The following PNMA3 variants were observed in gnomAD, a reference collection of about 807,000 sequenced individuals.
The protein encoded by PNMA3 is PNMA family member 3.
In PNMA3, 10 loss-of-function variants were observed where a neutral mutation model predicts 25.1. The ratio of observed to expected loss-of-function variants is 0.40; its 90% CI spans 0.25 to 0.68. The LOEUF (loss-of-function observed/expected upper bound fraction) is 0.68, where lower values mean the gene tolerates loss of function less well. PNMA3 is among the 30% of genes least tolerant of loss of function. The probability of loss-of-function intolerance (pLI) is 0.40; values close to 1 mark genes in which losing one functional copy is unlikely to be tolerated. For synonymous variants in PNMA3, 134 were observed against 148.7 expected (o/e 0.90, Z 0.72); for missense variants, 317 against 372.1 (o/e 0.85, Z 1.22).
Position 153,057,379 on chromosome X carries a change from C to T in PNMA3, c.324C>T (p.Arg108=), listed in dbSNP as rs1556932107. 1 of 1,212,098 alleles carries T rather than the reference C, an allele frequency of 8.3e-7. No individual in the cohort carries two copies. Among genetic ancestry groups the T allele is most frequent in the Non-Finnish European group, 1.1e-6 (1 of 895,577 alleles). The part of the protein sequence containing the change: ...SDGEFLNRLN[R]FLEEERRTVS... Reference sequence around the variant, plus strand: ...GGGAATTTCTCAACAGACTGAACCGCTTCTTAGAGGAGGAGAGGCGGACCG... The same window carrying T: ...GGGAATTTCTCAACAGACTGAACCGTTTCTTAGAGGAGGAGAGGCGGACCG... Residue 108 remains arginine, a synonymous_variant, in exon 2 of 2, where the codon CGC becomes CGT. Transcript: ENST00000593810.
chrX:153,058,079 C>A lies in PNMA3; in HGVS notation c.1024C>A (p.Pro342Thr), dbSNP rs1036811244. ...EEEEWEATLG[P>T]DRESLEGLEV... is the part of the protein sequence containing the mutation. ...GGAGGAATGGGAGGCCACTTTAGGT[C>A]CAGATAGGGAGAGTCTGGAGGGGCT... is the stretch of plus-strand genomic sequence containing the variant. The change falls in exon 2 of 2, where the codon CCA (proline) becomes ACA (threonine). Residue 342 changes from proline (P) to threonine (T), a missense_variant. By Grantham distance (38) the Pro-to-Thr change is conservative. Coordinates refer to ENST00000593810, the MANE Select transcript of PNMA3 (RefSeq NM_013364.6). The A allele has an allele frequency of 8.3e-7, 1 of 1,210,405 alleles. No homozygotes were observed. The highest frequency in any genetic ancestry group is 1.1e-6 in the Non-Finnish European group (1 of 895,245).
chrX:153,056,508 A>C lies in PNMA3; in HGVS notation c.-237A>C, dbSNP rs2051139604. 8.6e-6 allele frequency: 1 copy of C among 116,390 alleles called. No homozygotes were observed. Among genetic ancestry groups the C allele is most frequent in the East Asian group, 2.9e-4 (1 of 3,506 alleles). The allele number at this position is 116,390 out of a possible 1,213,427, so 9.6% of individuals were successfully genotyped here. ...TGCTGCGCGAGCGAGGGAGAGCCAC[A>C]GTCTGAGCGAACGTCCGCGCTGGGA... On this transcript the variant is annotated 5_prime_UTR_variant, in exon 1 of 2. Coordinates refer to ENST00000593810, the MANE Select transcript of PNMA3 (RefSeq NM_013364.6).
In PNMA3 at chrX:153,058,067, G is replaced by A. The variant is rs782395896; in HGVS notation, c.1012G>A (p.Ala338Thr). 1 of 1,212,000 alleles carries A rather than the reference G, an allele frequency of 8.3e-7. No homozygotes were observed. Among genetic ancestry groups the A allele is most frequent in the South Asian group, 1.8e-5 (1 of 56,974 alleles). Residue 338 changes from alanine to threonine, a missense_variant, in exon 2 of 2, where the codon GCC becomes ACC. By Grantham distance (58) the Ala-to-Thr change is moderately conservative (BLOSUM62 0). Transcript: ENST00000593810. ...KLLREEEEWEATLGPDRESLE... is the reference protein window; with the variant it reads ...KLLREEEEWETTLGPDRESLE... ...CCTGCGTGAGGAGGAGGAATGGGAG[G>A]CCACTTTAGGTCCAGATAGGGAGAG...
Position 153,058,439 on chromosome X carries a change from G to A in PNMA3, c.1384G>A (p.Ala462Thr). The A allele has an allele frequency of 8.3e-7, 1 of 1,212,118 alleles. No homozygotes were observed. Among genetic ancestry groups the A allele is most frequent in the Non-Finnish European group, 1.1e-6 (1 of 895,566 alleles). ...GGACAAGAGCCATCCCAAGTCCAAG[G>A]CCAAGTAGGCTCGGGAGAACAGGGC... The part of the protein sequence containing the change: ...AWDKSHPKSK[A>T]K Residue 462 changes from alanine to threonine, a missense_variant, in exon 2 of 2, where the codon GCC becomes ACC. Physicochemically the swap from Ala to Thr is moderately conservative, Grantham distance 58. Coordinates refer to ENST00000593810, the MANE Select transcript of PNMA3 (RefSeq NM_013364.6).
At chrX:153,056,735 A>C (rs1556931934) in intron 1 of PNMA3, 97 bp downstream of exon 1, 3 of 174,693 alleles carry the variant, frequency 1.7e-5, no homozygotes, top group Non-Finnish European at 3.0e-5. Context: ...CCTGCAGGGC[A>C]GGGGTCCAGG....
Position 153,057,635 on chromosome X carries a change from T to C in PNMA3, c.580T>C (p.Trp194Arg). The C allele has an allele frequency of 8.3e-7, 1 of 1,211,264 alleles. No individual in the cohort carries two copies. Among genetic ancestry groups the C allele is most frequent in the Non-Finnish European group, 1.1e-6 (1 of 895,381 alleles). ...GCACACCACTGAGATGCTACAGATG[T>C]GGCAGGTGCCCGAGGGGGAAAAGAG... The part of the protein sequence containing the change: ...LEHTTEMLQM[W>R]QVPEGEKRRR... Residue 194 changes from tryptophan (W) to arginine (R), a missense_variant, in exon 2 of 2, where the codon TGG (tryptophan) becomes CGG (arginine). Physicochemically the swap from Trp to Arg is moderately radical, Grantham distance 101. Coordinates refer to ENST00000593810, the MANE Select transcript of PNMA3 (RefSeq NM_013364.6).
Position 153,057,455 on chromosome X carries a change from A to G in PNMA3, c.400A>G (p.Arg134Gly), listed in dbSNP as rs782590469. The G allele has an allele frequency of 1.7e-6, 2 of 1,211,140 alleles. No individual in the cohort carries two copies. The highest frequency in any genetic ancestry group is 1.8e-5 in the South Asian group (1 of 56,752). ...LGSDTNCSAPRVTISPEFWTW... is the reference protein window; with the variant it reads ...LGSDTNCSAPGVTISPEFWTW... The stretch of plus-strand genomic sequence containing the variant: ...GTCGGACACCAATTGTTCGGCTCCA[A>G]GAGTGACTATATCACCAGAGTTCTG... Residue 134 changes from arginine (R) to glycine (G), a missense_variant, in exon 2 of 2, where the codon AGA (arginine) becomes GGA (glycine). Transcript: ENST00000593810.
At position 153,057,686 on chromosome X, in the gene PNMA3, G is replaced by T. The variant is rs1165172441; in HGVS notation, c.631G>T (p.Gly211Cys). 8.3e-7 allele frequency: 1 copy of T among 1,212,002 alleles called. No individual in the cohort carries two copies. Among genetic ancestry groups the T allele is most frequent in the Non-Finnish European group, 1.1e-6 (1 of 895,552 alleles). The change falls in exon 2 of 2, where the codon GGC becomes TGC. Residue 211 changes from glycine to cysteine, a missense_variant. By Grantham distance (159) the Gly-to-Cys change is radical. Transcript: ENST00000593810. ...GCGGAGGCTGATGGAATGCTTACGG[G>T]GCCCTGCTCTCCAGGTGGTCAGTGG... is the stretch of plus-strand genomic sequence containing the variant. Reference protein sequence around the residue: ...KRRRLMECLRGPALQVVSGLR... With the variant: ...KRRRLMECLRCPALQVVSGLR...
chrX:153,060,239 A>G lies in PNMA3; in HGVS notation c.*1792A>G, dbSNP rs139179449. 0.037 allele frequency: 4,518 copies of G among 121,042 alleles called. 364 individuals are homozygous for G. The highest frequency in any genetic ancestry group is 0.15 in the African/African-American group (4,192 of 27,915). 10.0% of individuals were successfully genotyped at this position (121,042 alleles called of 1,213,427 possible). ...AGAGTCTACCTTCCTGGCAAGAGGC[A>G]GACCCCGGGGCCCTCAGGAAGGAGG... On this transcript the variant is annotated 3_prime_UTR_variant, in exon 2 of 2. Coordinates refer to ENST00000593810, the MANE Select transcript of PNMA3 (RefSeq NM_013364.6).
In PNMA3 at chrX:153,057,486, G is replaced by T. The variant is rs1603345926; in HGVS notation, c.431G>T (p.Trp144Leu). 3 of 1,211,481 alleles carry T rather than the reference G, an allele frequency of 2.5e-6. No individual in the cohort carries two copies. In the East Asian group the frequency reaches 8.9e-5, roughly 36 times the overall value. The stretch of plus-strand genomic sequence containing the variant: ...ACTATATCACCAGAGTTCTGGACCT[G>T]GGCCCAGACTCTGGGGGCAGCAGTG... ...RVTISPEFWT[W>L]AQTLGAAVQP... Residue 144 changes from tryptophan (W) to leucine (L), a missense_variant, in exon 2 of 2, where the codon TGG becomes TTG. Trp to Leu is a moderately conservative substitution (Grantham distance 61, BLOSUM62 -2). Coordinates refer to ENST00000593810, the MANE Select transcript of PNMA3 (RefSeq NM_013364.6).
intron 1 of PNMA3, 98 bp downstream of exon 1, chrX:153,056,736 G>T (rs1309055465): frequency 1.8e-5 from 4 of 218,469 alleles, no homozygotes; most frequent in African/African-American, 1.2e-4. Flanking sequence ...CTGCAGGGCA[G>T]GGGTCCAGGG....
At chrX:153,056,878 G>A (rs1235134649) in intron 1 of PNMA3, 72 bp from the exon 2 acceptor site, 3 of 576,419 alleles carry the variant, frequency 5.2e-6, no homozygotes, top group Non-Finnish European at 7.5e-6. Context: ...GGGTGGGGGT[G>A]GGGGTGGGCG....
intron 1 of PNMA3, 67 bp from the exon 2 acceptor site, chrX:153,056,883 T>C: frequency 2.1e-6 from 1 of 479,459 alleles, no homozygotes; most frequent in Non-Finnish European, 2.8e-6. Flanking sequence ...GGGGTGGGGG[T>C]GGGCGTGGAT....
Position 153,059,606 on chromosome X carries a change from C to T in PNMA3, c.*1159C>T, listed in dbSNP as rs1556932760. On this transcript the variant is annotated 3_prime_UTR_variant, in exon 2 of 2. Transcript: ENST00000593810. ...AGGCTGCCCCCTGTTCCAGGAAGCT[C>T]ATCCTCACCTGTGTAGGCCCCTGTA... is the stretch of plus-strand genomic sequence containing the variant. 8.1e-6 allele frequency: 1 copy of T among 124,065 alleles called. No homozygotes were observed. Among genetic ancestry groups the T allele is most frequent in the Non-Finnish European group, 1.9e-5 (1 of 53,394 alleles). The allele number at this position is 124,065 out of a possible 1,213,427, so 10.2% of individuals were successfully genotyped here.
At position 153,058,438 on chromosome X, in the gene PNMA3, G is replaced by A; in HGVS notation, c.1383G>A (p.Lys461=). Residue 461 remains lysine, a synonymous_variant, in exon 2 of 2, where the codon AAG becomes AAA. Coordinates refer to ENST00000593810, the MANE Select transcript of PNMA3 (RefSeq NM_013364.6). Reference sequence around the variant, plus strand: ...GGGACAAGAGCCATCCCAAGTCCAAGGCCAAGTAGGCTCGGGAGAACAGGG... The same window carrying A: ...GGGACAAGAGCCATCCCAAGTCCAAAGCCAAGTAGGCTCGGGAGAACAGGG... ...WAWDKSHPKS[K]AK 8.3e-7 allele frequency: 1 copy of A among 1,212,114 alleles called. No individual in the cohort carries two copies. Among genetic ancestry groups the A allele is most frequent in the Non-Finnish European group, 1.1e-6 (1 of 895,575 alleles).
chrX:153,058,526 C>T lies in PNMA3; in HGVS notation c.*79C>T. 1 of 1,209,447 alleles carries T rather than the reference C, an allele frequency of 8.3e-7. No homozygotes were observed. Among genetic ancestry groups the T allele is most frequent in the Non-Finnish European group, 1.1e-6 (1 of 894,127 alleles). The stretch of plus-strand genomic sequence containing the variant: ...TATTGGAAGGAGGGGAAAGAGAAGC[C>T]CAGACAAACAGCAGATGAGTTGAGT... On this transcript the variant is annotated 3_prime_UTR_variant, in exon 2 of 2. Transcript: ENST00000593810.
At position 153,058,356 on chromosome X, in the gene PNMA3, T is replaced by C; in HGVS notation, c.1301T>C (p.Leu434Pro). The C allele has an allele frequency of 8.3e-7, 1 of 1,211,687 alleles. No individual in the cohort carries two copies. The highest frequency in any genetic ancestry group is 1.1e-6 in the Non-Finnish European group (1 of 895,451). The part of the protein sequence containing the change: ...RVQCINPSNL[L>P]LVKQKKQAAV... ...CAGTGCATCAACCCCTCCAACCTGC[T>C]CTTGGTAAAGCAGAAGAAACAGGCT... Residue 434 changes from leucine to proline, a missense_variant, in exon 2 of 2, where the codon CTC (leucine) becomes CCC (proline). Physicochemically the swap from Leu to Pro is moderately conservative, Grantham distance 98. Coordinates refer to ENST00000593810, the MANE Select transcript of PNMA3 (RefSeq NM_013364.6).
In PNMA3 at chrX:153,058,233, G is replaced by A. The variant is rs370578186; in HGVS notation, c.1178G>A (p.Arg393Gln). The A allele has an allele frequency of 9.9e-6, 12 of 1,210,998 alleles. No individual in the cohort carries two copies. The highest frequency in any genetic ancestry group is 2.2e-5 in the Admixed American group (1 of 45,979). ...YRRRRGRGQH[R>Q]RGGVARAGSR... ...CGCCGGAGGGGCAGAGGCCAACACC[G>A]AAGGGGTGGTGTGGCAAGGGCTGGC... is the stretch of plus-strand genomic sequence containing the variant. Residue 393 changes from arginine (R) to glutamine (Q), a missense_variant, in exon 2 of 2, where the codon CGA (arginine) becomes CAA (glutamine). Transcript: ENST00000593810.
At position 153,057,941 on chromosome X, in the gene PNMA3, C is replaced by T. The variant is rs782065754; in HGVS notation, c.886C>T (p.Arg296Ter). ...RRNVNQTRLK[R>*]VLSGATLPDK... is the part of the protein sequence containing the mutation. ...AAACGTGAATCAGACTCGCCTGAAA[C>T]GAGTCTTAAGTGGGGCCACCCTTCC... Residue 296 changes from arginine (R) to a stop codon, truncating the protein, a stop_gained, in exon 2 of 2, where the codon CGA (arginine) becomes TGA (stop). Coordinates refer to ENST00000593810, the MANE Select transcript of PNMA3 (RefSeq NM_013364.6). LOFTEE classifies it high-confidence loss of function. The T allele has an allele frequency of 2.5e-6, 3 of 1,212,512 alleles. No individual in the cohort carries two copies. The highest frequency in any genetic ancestry group is 3.0e-5 in the East Asian group (1 of 33,869).
Sources: gnomAD v4.1 joint callset for allele counts on GRCh38, gnomAD v4.1.1 for gene constraint, MANE v1.5 for transcripts, NCBI Gene and HGNC (gene_info 2026-07-23, HGNC 2026-07-21) for gene names.